The following CAMTA1 variants were observed in gnomAD, a reference collection of about 807,000 sequenced individuals.
CAMTA1 encodes calmodulin binding transcription activator 1, also known as calmodulin-binding transcription activator 1.
Under a neutral mutation model 170.9 loss-of-function variants are expected in CAMTA1, and 27 were observed. The observed-to-expected ratio is 0.16, with a 90% CI of 0.12 to 0.22. CAMTA1 has a LOEUF of 0.22. CAMTA1 is among the 10% of genes least tolerant of loss of function. CAMTA1 has a pLI of 1.00. For synonymous variants in CAMTA1, 833 were observed against 891.5 expected (o/e 0.93, Z 1.17); for missense variants, 1,619 against 2,217.2 (o/e 0.73, Z 5.42).
intron 3 of CAMTA1, among the ~76,000 whole-genome samples, chr1:6,856,458 C>T (rs1432457342): frequency 6.6e-6 from 1 of 151,108 alleles, no homozygotes; most frequent in Admixed American, 6.6e-5. Flanking sequence ...CTTGTTTTTG[C>T]AGTTTATAGG....
intron 3 of CAMTA1, among the ~76,000 whole-genome samples, chr1:7,070,344 GTTTAT>G (rs1638474265): frequency 6.6e-6 from 1 of 152,230 alleles, no homozygotes; most frequent in South Asian, 2.1e-4. Context: ...CCACATCTGG[GTTTAT>G]TTCAGCTTGG....
Position 7,435,303 on chromosome 1 carries a change from CT to C in CAMTA1, c.439-32524del, listed in dbSNP as rs1248445812. ...GTGGGGAGATCAGGCCCCAGGCTGC[CT>C]TTATTCTCACTGTCTCAGGCATGAA... On this transcript the variant is annotated intron_variant, in intron 5 of 22. Transcript: ENST00000303635. The surrounding 1 kb of genome is among the most constrained non-coding windows in gnomAD (Gnocchi z 4.4). Among the ~76,000 whole-genome samples the C allele has an allele frequency of 2.6e-5, 4 of 152,162 alleles. No homozygotes were observed. Among genetic ancestry groups the C allele is most frequent in the African/African-American group, 9.7e-5 (4 of 41,438 alleles).
chr1:7,243,935 CCATCAG>C, intron 4 of CAMTA1, among the ~76,000 whole-genome samples: 1 of 152,242 alleles, frequency 6.6e-6, no homozygotes, highest in East Asian at 1.9e-4. Context: ...AAAGAAACCA[CCATCAG>C]AGTGAAAAGG....
At chr1:7,705,265 AGTGG>A (rs920296286) in intron 11 of CAMTA1, among the ~76,000 whole-genome samples, 6 of 141,980 alleles carry the variant, frequency 4.2e-5, no homozygotes, top group Non-Finnish European at 7.6e-5. Context: ...TTGGCCGAGG[AGTGG>A]GTGGGAGACA....
chr1:7,280,781 GT>G (rs1199496255), intron 5 of CAMTA1, among the ~76,000 whole-genome samples: 3 of 152,182 alleles, frequency 2.0e-5, no homozygotes, highest in Non-Finnish European at 4.4e-5. Flanking sequence ...ATTTCAAAAG[GT>G]TCTCCATGGA....
At position 7,748,628 on chromosome 1, in the gene CAMTA1, C is replaced by G. The variant is rs1304746857; in HGVS notation, c.4689+847C>G. 6.6e-6 allele frequency among the ~76,000 whole-genome samples: 1 copy of G among 152,170 alleles called. No individual in the cohort carries two copies. The highest frequency in any genetic ancestry group is 1.5e-5 in the Non-Finnish European group (1 of 68,028). Reference sequence around the variant, plus strand: ...CGTGATTGGAGAAAGTAAATGCTGGCTATTTATTACCTTTGAGTTTGAATT... The same window carrying G: ...CGTGATTGGAGAAAGTAAATGCTGGGTATTTATTACCTTTGAGTTTGAATT... On this transcript the variant is annotated intron_variant, in intron 19 of 22. Coordinates refer to ENST00000303635, the MANE Select transcript of CAMTA1 (RefSeq NM_015215.4). This position sits in a 1 kb window ranked among gnomAD's most constrained non-coding sequence, Gnocchi z 4.7.
chr1:7,623,986 T>G (rs1157571195), intron 6 of CAMTA1, among the ~76,000 whole-genome samples: 2 of 152,250 alleles, frequency 1.3e-5, no homozygotes, highest in Admixed American at 6.5e-5. Flanking sequence ...TAGAACATTT[T>G]GAGTGAAATT....
Position 7,344,046 on chromosome 1 carries a change from T to G in CAMTA1, c.438+94420T>G, listed in dbSNP as rs564927212. Among the ~76,000 whole-genome samples, 5 of 152,306 alleles carry G rather than the reference T, an allele frequency of 3.3e-5. No individual in the cohort carries two copies. In the South Asian group the frequency reaches 1.0e-3, roughly 32 times the overall value. On this transcript the variant is annotated intron_variant, in intron 5 of 22. Coordinates refer to ENST00000303635, the MANE Select transcript of CAMTA1 (RefSeq NM_015215.4). ...CTAGGAGACAGTGCTTGCTGGGTGG[T>G]CCAGTTATCTACTGCTGTGAAACAA...
intron 3 of CAMTA1, among the ~76,000 whole-genome samples, chr1:6,916,786 T>A (rs1047001784): frequency 6.6e-6 from 1 of 152,168 alleles, no homozygotes; most frequent in African/African-American, 2.4e-5. Flanking sequence ...TGTTCACCCA[T>A]TGAGCAGATA....
intron 3 of CAMTA1, among the ~76,000 whole-genome samples, chr1:7,073,882 G>T (rs1032234491): frequency 1.3e-5 from 2 of 152,178 alleles, no homozygotes; most frequent in Non-Finnish European, 2.9e-5. Flanking sequence ...GAATAGTAAC[G>T]TTTCTTAACT....
At chr1:7,476,989 G>A (rs2093430379) in intron 6 of CAMTA1, among the ~76,000 whole-genome samples, 1 of 152,178 alleles carries the variant, frequency 6.6e-6, no homozygotes, top group Non-Finnish European at 1.5e-5. Context: ...CCAGACACTG[G>A]CTCGCTTCAC....
At chr1:7,305,251 A>G (rs1260805472) in intron 5 of CAMTA1, among the ~76,000 whole-genome samples, 2 of 152,142 alleles carry the variant, frequency 1.3e-5, no homozygotes, top group East Asian at 1.9e-4. Flanking sequence ...ACTCTTAATT[A>G]TTGTAGTTTT....
At chr1:6,968,341 C>A (rs755294322) in intron 3 of CAMTA1, among the ~76,000 whole-genome samples, 5 of 152,146 alleles carry the variant, frequency 3.3e-5, no homozygotes, top group South Asian at 2.1e-4. Context: ...TGGCCCTTGC[C>A]CCTCTCCCGT....
intron 5 of CAMTA1, among the ~76,000 whole-genome samples, chr1:7,393,586 T>G (rs932776079): frequency 6.6e-6 from 1 of 152,180 alleles, no homozygotes; most frequent in Non-Finnish European, 1.5e-5. Flanking sequence ...TGACACAGGA[T>G]AATTGTACAT....
At chr1:7,543,752 T>C (rs184453668) in intron 6 of CAMTA1, among the ~76,000 whole-genome samples, 1 of 152,354 alleles carries the variant, frequency 6.6e-6, no homozygotes, top group East Asian at 1.9e-4. Flanking sequence ...TATATTTTAT[T>C]TTCACATTGA....
At chr1:7,514,683 T>A (rs2094255186) in intron 6 of CAMTA1, among the ~76,000 whole-genome samples, 1 of 152,218 alleles carries the variant, frequency 6.6e-6, no homozygotes, top group South Asian at 2.1e-4. Flanking sequence ...GGCAGGGTGC[T>A]TCTGGCCAAC....
intron 5 of CAMTA1, among the ~76,000 whole-genome samples, chr1:7,458,679 A>G (rs2093016579): frequency 1.3e-5 from 2 of 152,206 alleles, no homozygotes; most frequent in Non-Finnish European, 2.9e-5. Flanking sequence ...ACCTGACTTC[A>G]TAACCTGAAG....
intron 3 of CAMTA1, among the ~76,000 whole-genome samples, chr1:6,987,167 TG>T (rs1695500798): frequency 9.3e-6 from 1 of 107,708 alleles, no homozygotes; most frequent in African/African-American, 4.2e-5. Flanking sequence ...GAGACTGTTT[TG>T]TTTTTTTTTT....
intron 3 of CAMTA1, among the ~76,000 whole-genome samples, chr1:7,057,880 G>A (rs946921491): frequency 1.3e-5 from 2 of 152,202 alleles, no homozygotes; most frequent in East Asian, 3.9e-4. Context: ...AGCTGGTAAG[G>A]AGACTTCCTA....
Sources: gnomAD v4.1 joint callset for allele counts (sites outside exome capture counted in the v4.1 genomes callset) on GRCh38, gnomAD v4.1.1 for gene constraint, Gnocchi (gnomAD v3.1) non-coding constraint, MANE v1.5 for transcripts, NCBI Gene and HGNC (gene_info 2026-07-23, HGNC 2026-07-21) for gene names.